Variants in NME5 observed in about 807,000 individuals in gnomAD.
NME5 encodes the protein nucleoside diphosphate kinase 5.
In NME5, 18 loss-of-function variants were observed where a neutral mutation model predicts 21.6. The ratio of observed to expected loss-of-function variants is 0.83; its 90% confidence interval spans 0.58 to 1.24. The LOEUF is 1.24. Ranked by LOEUF, NME5 falls within the 50% of genes most tolerant of loss-of-function variation. NME5 has a pLI of 0.00. For synonymous variants in NME5, 70 were observed against 80.6 expected (o/e 0.87, Z 0.71); for missense variants, 223 against 255.4 (o/e 0.87, Z 0.86).
chr5:138,128,628 T>C (rs777912097), intron 3 of NME5, 49 bp from the exon 4 acceptor site: 4 of 1,269,666 alleles, frequency 3.2e-6, no homozygotes, highest in Non-Finnish European at 4.5e-6. Context: ...GTCTATTCCT[T>C]ACTTTATATG....
chr5:138,129,495 G>C (rs897373020), intron 2 of NME5, 27 bp from the exon 3 acceptor site: 2 of 1,555,864 alleles, frequency 1.3e-6, no homozygotes, highest in Admixed American at 1.7e-5. Flanking sequence ...GTCAACAAAA[G>C]CATTTAAAAT....
chr5:138,130,371 C>A (rs1254716629), intron 2 of NME5, among the ~76,000 whole-genome samples: 2 of 151,864 alleles, frequency 1.3e-5, no homozygotes, highest in African/African-American at 4.8e-5. Flanking sequence ...ATAAAGCAGA[C>A]CCTGTATCAA....
chr5:138,116,809 C>T (rs1172054451), intron 5 of NME5: 1 of 153,704 alleles, frequency 6.5e-6, no homozygotes, highest in African/African-American at 2.4e-5. Flanking sequence ...GGTACTAGGA[C>T]AATTGGATTT....
Position 138,128,463 on chromosome 5 carries a change from G to C in NME5, c.436+16C>G. 2.3e-5 allele frequency: 36 copies of C among 1,580,356 alleles called. No homozygotes were observed. The highest frequency in any genetic ancestry group is 2.9e-5 in the Non-Finnish European group (33 of 1,152,644). ...ATAAGGAGATGCAGTTGACAAGTTA[G>C]TCATCTGTAACTCACCTTCAGGAAA... On this transcript the variant is annotated intron_variant, in intron 4 of 5. Transcript: ENST00000265191.
intron 2 of NME5, among the ~76,000 whole-genome samples, chr5:138,131,253 C>T (rs553493357): frequency 5.4e-5 from 8 of 147,730 alleles, no homozygotes; most frequent in Non-Finnish European, 1.0e-4. Flanking sequence ...TGGTGGCGGG[C>T]ACCTATAATC....
chr5:138,120,294 C>T (rs1404525384), intron 4 of NME5, among the ~76,000 whole-genome samples: 5 of 143,624 alleles, frequency 3.5e-5, no homozygotes, highest in East Asian at 2.1e-4. Flanking sequence ...AGTGCAGTGC[C>T]GCGATCTTGG....
intron 5 of NME5, among the ~76,000 whole-genome samples, chr5:138,116,027 C>T (rs1223303107): frequency 6.6e-6 from 1 of 152,110 alleles, no homozygotes; most frequent in East Asian, 1.9e-4. Context: ...GAAGCCACTA[C>T]AGCTAATAAA....
chr5:138,117,669 T>A (rs1308864827), intron 5 of NME5, among the ~76,000 whole-genome samples: 3 of 151,962 alleles, frequency 2.0e-5, no homozygotes, highest in Non-Finnish European at 2.9e-5. Flanking sequence ...TTGTGTTATC[T>A]ACTAGCATGG....
intron 4 of NME5, among the ~76,000 whole-genome samples, chr5:138,125,345 T>C (rs949961711): frequency 3.9e-5 from 6 of 152,136 alleles, no homozygotes; most frequent in Non-Finnish European, 8.8e-5. Flanking sequence ...TAGCAAAACT[T>C]TGAATTAGCC....
At chr5:138,124,979 T>A (rs1751366876) in intron 4 of NME5, among the ~76,000 whole-genome samples, 1 of 152,136 alleles carries the variant, frequency 6.6e-6, no homozygotes, top group African/African-American at 2.4e-5. Flanking sequence ...GCTGGAGCAC[T>A]CTGGTGCCAT....
At chr5:138,118,673 C>T (rs1016288624) in intron 5 of NME5, 145 bp downstream of exon 5, 23 of 490,968 alleles carry the variant, frequency 4.7e-5, no homozygotes, top group African/African-American at 1.0e-4. Context: ...TTAGTACAGA[C>T]GGGGTTTCAC....
At chr5:138,120,138 C>T (rs1304740134) in intron 4 of NME5, among the ~76,000 whole-genome samples, 1 of 151,248 alleles carries the variant, frequency 6.6e-6, no homozygotes, top group African/African-American at 2.4e-5. Flanking sequence ...GGGTGTCACT[C>T]ACGCTGGTCT....
At chr5:138,132,798 G>C (rs757202998) in intron 2 of NME5, among the ~76,000 whole-genome samples, 111 of 152,186 alleles carry the variant, frequency 7.3e-4, no homozygotes, top group Non-Finnish European at 1.3e-3. Flanking sequence ...CTATGAAAAA[G>C]GTGCTGACAT....
At chr5:138,136,346 T>C (rs939446064) in intron 2 of NME5, among the ~76,000 whole-genome samples, 1 of 152,254 alleles carries the variant, frequency 6.6e-6, no homozygotes, top group Non-Finnish European at 1.5e-5. Flanking sequence ...TTTACTTTTA[T>C]ATTTTTGCCA....
At chr5:138,132,948 T>TG (rs1050017230) in intron 2 of NME5, among the ~76,000 whole-genome samples, 1 of 152,122 alleles carries the variant, frequency 6.6e-6, no homozygotes, top group African/African-American at 2.4e-5. Context: ...GCGTTTTTTT[T>TG]TTTTGTTTTT....
intron 2 of NME5, among the ~76,000 whole-genome samples, chr5:138,134,348 A>G (rs1347021514): frequency 6.6e-6 from 1 of 152,010 alleles, no homozygotes; most frequent in African/African-American, 2.4e-5. Flanking sequence ...GATTCAAGCG[A>G]TTCTCCTGCC....
chr5:138,135,397 C>T (rs982904860), intron 2 of NME5, among the ~76,000 whole-genome samples: 2 of 151,138 alleles, frequency 1.3e-5, no homozygotes, highest in Non-Finnish European at 3.0e-5. Flanking sequence ...TGCAATGGCA[C>T]GATCTTGACT....
At chr5:138,127,547 T>G in intron 4 of NME5, 1 of 982,654 alleles carries the variant, frequency 1.0e-6, no homozygotes, top group Non-Finnish European at 1.2e-6. Context: ...AAAAATAACA[T>G]ACTAAAAAAA....
chr5:138,127,653 C>T, intron 4 of NME5: 1 of 984,960 alleles, frequency 1.0e-6, no homozygotes, highest in South Asian at 4.7e-5. Flanking sequence ...AAACCAAAAA[C>T]TTCAGTGTTC....
Sources: gnomAD v4.1 joint callset for allele counts (sites outside exome capture counted in the v4.1 genomes callset) on GRCh38, gnomAD v4.1.1 for gene constraint, MANE v1.5 for transcripts, NCBI Gene and HGNC (gene_info 2026-07-23, HGNC 2026-07-21) for gene names.